KIF6: variants seen among roughly 807,000 people sequenced by gnomAD.
KIF6 encodes the protein kinesin-like protein KIF6.
In KIF6, 106 loss-of-function variants were observed where a neutral mutation model predicts 112.7. The ratio of observed to expected loss-of-function variants is 0.94; its 90% CI spans 0.80 to 1.11. The LOEUF is 1.11. KIF6 is among the 50% of genes least tolerant of loss of function. The pLI, the probability that KIF6 is intolerant of heterozygous loss-of-function variation, is 0.00. For synonymous variants in KIF6, 339 were observed against 339.9 expected (o/e 1.00, Z 0.03); for missense variants, 929 against 964.0 (o/e 0.96, Z 0.48).
At chr6:39,428,313 TG>T (rs1409060947) in intron 14 of KIF6, among the ~76,000 whole-genome samples, 1 of 152,212 alleles carries the variant, frequency 6.6e-6, no homozygotes, top group Non-Finnish European at 1.5e-5. Flanking sequence ...GAAGGTTCTT[TG>T]GAAGTCTTTT....
intron 13 of KIF6, among the ~76,000 whole-genome samples, chr6:39,535,654 C>T (rs1261048561): frequency 1.3e-5 from 2 of 152,236 alleles, no homozygotes; most frequent in African/African-American, 2.4e-5. Flanking sequence ...GACAGATCAA[C>T]AAGACAGAAA....
At position 39,641,621 on chromosome 6, in the gene KIF6, T is replaced by C. The variant is rs569675635; in HGVS notation, c.252-1864A>G. On this transcript the variant is annotated intron_variant, in intron 3 of 22. Transcript: ENST00000287152. ...AACTAACCTGCACGTTGTGCACATGTACCCTAAAACTTAAAGTATAATATA... is the reference window on the plus strand; with the variant it reads ...AACTAACCTGCACGTTGTGCACATGCACCCTAAAACTTAAAGTATAATATA... Among the ~76,000 whole-genome samples, 283 of 151,590 alleles carry C rather than the reference T, an allele frequency of 1.9e-3. 1 individual carries two copies. Among genetic ancestry groups the C allele is most frequent in the African/African-American group, 6.3e-3 (260 of 41,286 alleles).
chr6:39,534,923 A>G (rs575466066), intron 13 of KIF6, among the ~76,000 whole-genome samples: 1 of 152,352 alleles, frequency 6.6e-6, no homozygotes, highest in East Asian at 1.9e-4. Flanking sequence ...TTCTTAAAGA[A>G]AAGAATTTTC....
At chr6:39,461,853 G>C (rs891178135) in intron 13 of KIF6, among the ~76,000 whole-genome samples, 1 of 152,142 alleles carries the variant, frequency 6.6e-6, no homozygotes, top group Admixed American at 6.6e-5. Context: ...CAAAAAGTGT[G>C]TGTACCTGTT....
At chr6:39,558,096 CAT>C (rs1330354874) in intron 10 of KIF6, among the ~76,000 whole-genome samples, 1 of 151,844 alleles carries the variant, frequency 6.6e-6, no homozygotes, top group Non-Finnish European at 1.5e-5. Context: ...ATTATAAAAA[CAT>C]ATAATTTATA....
Position 39,584,915 on chromosome 6 carries a change from C to A in KIF6, c.1060G>T (p.Glu354Ter). 6 of 1,608,352 alleles carry A rather than the reference C, an allele frequency of 3.7e-6. No homozygotes were observed. Among genetic ancestry groups the A allele is most frequent in the Non-Finnish European group, 5.1e-6 (6 of 1,175,448 alleles). Residue 354 changes from glutamate (E) to a stop codon, truncating the protein, a stop_gained, in exon 9 of 23, where the codon GAA (glutamate) becomes TAA (stop). Coordinates refer to ENST00000287152, the MANE Select transcript of KIF6 (RefSeq NM_145027.6). LOFTEE classifies it high-confidence loss of function. ...TTGCTTACTAATCTGGGGTTAATTT[C>A]TTCATTAAGAACAGCTTCATTCTTT... ...LIKNEAVLNE[E>*]INPRLVIKRL...
chr6:39,660,076 C>T (rs114947607), intron 3 of KIF6, among the ~76,000 whole-genome samples: 111 of 152,174 alleles, frequency 7.3e-4, no homozygotes, highest in African/African-American at 2.5e-3. Context: ...TTGGGGAGGC[C>T]GAGGCAGTAG....
At chr6:39,371,078 T>G (rs1018480921) in intron 16 of KIF6, among the ~76,000 whole-genome samples, 4 of 152,180 alleles carry the variant, frequency 2.6e-5, no homozygotes, top group African/African-American at 7.2e-5. Flanking sequence ...TGCCAATTTT[T>G]GGGGTACAAA....
intron 13 of KIF6, among the ~76,000 whole-genome samples, chr6:39,484,153 C>T (rs557134473): frequency 1.1e-4 from 17 of 152,250 alleles, no homozygotes; most frequent in African/African-American, 3.6e-4. Context: ...TGCACATGGC[C>T]GTTTCCATCT....
chr6:39,342,537 A>ATACTTATC lies in KIF6; in HGVS notation c.2428+1171_2428+1172insGATAAGTA, dbSNP rs544481167. 6.6e-6 allele frequency among the ~76,000 whole-genome samples: 1 copy of ATACTTATC among 151,202 alleles called. No homozygotes were observed. Among genetic ancestry groups the ATACTTATC allele is most frequent in the African/African-American group, 2.5e-5 (1 of 40,804 alleles). ...GCTGTTCATTGCTGTTCAGTGCCTG[A>ATACTTATC]TACCTATCATCAGAGTATTTGGGGC... On this transcript the variant is annotated intron_variant, in intron 22 of 22. Coordinates refer to ENST00000287152, the MANE Select transcript of KIF6 (RefSeq NM_145027.6). This position sits in a 1 kb window ranked among gnomAD's most constrained non-coding sequence, Gnocchi z 4.7.
chr6:39,375,378 G>A (rs1050950296), intron 16 of KIF6, among the ~76,000 whole-genome samples: 3 of 152,146 alleles, frequency 2.0e-5, no homozygotes, highest in Non-Finnish European at 4.4e-5. Flanking sequence ...CATGGGTGAG[G>A]CAATGAATAT....
chr6:39,616,693 A>C (rs1447473202), intron 5 of KIF6, among the ~76,000 whole-genome samples: 1 of 152,096 alleles, frequency 6.6e-6, no homozygotes, highest in Non-Finnish European at 1.5e-5. Flanking sequence ...TCCTTTTTGC[A>C]CTAAGTCTTG....
intron 3 of KIF6, among the ~76,000 whole-genome samples, chr6:39,673,160 G>GT (rs879312102): frequency 6.6e-6 from 1 of 152,190 alleles, no homozygotes; most frequent in Non-Finnish European, 1.5e-5. Context: ...CCCTGCTTCT[G>GT]TAAGTGCCAG....
intron 13 of KIF6, among the ~76,000 whole-genome samples, chr6:39,435,834 G>T (rs957702220): frequency 6.6e-6 from 1 of 152,112 alleles, no homozygotes; most frequent in Admixed American, 6.6e-5. Flanking sequence ...ATGCATCCAG[G>T]TGTCTTTTTT....
intron 3 of KIF6, among the ~76,000 whole-genome samples, chr6:39,684,035 A>G (rs1034963488): frequency 2.0e-5 from 3 of 152,232 alleles, no homozygotes; most frequent in African/African-American, 7.2e-5. Context: ...TAGTATCCCC[A>G]TCATGCTCAG....
chr6:39,563,338 TA>T (rs1780110953), intron 10 of KIF6, among the ~76,000 whole-genome samples: 1 of 152,208 alleles, frequency 6.6e-6, no homozygotes, highest in South Asian at 2.1e-4. Flanking sequence ...GACTTGTTTG[TA>T]AACACATATA....
At chr6:39,366,041 G>C (rs1765532757) in intron 16 of KIF6, among the ~76,000 whole-genome samples, 2 of 152,366 alleles carry the variant, frequency 1.3e-5, no homozygotes, top group Admixed American at 1.3e-4. Context: ...TTTTCCTTGG[G>C]CATCTTGCAG....
chr6:39,471,738 G>C (rs1019085453), intron 13 of KIF6, among the ~76,000 whole-genome samples: 1 of 152,144 alleles, frequency 6.6e-6, no homozygotes, highest in Admixed American at 6.5e-5. Flanking sequence ...TTAGCTCTAG[G>C]AGAAGGGAGT....
chr6:39,655,617 TTTG>T (rs548403534), intron 3 of KIF6, among the ~76,000 whole-genome samples: 2 of 152,294 alleles, frequency 1.3e-5, no homozygotes, highest in South Asian at 4.1e-4. Flanking sequence ...AGAATCTAAC[TTTG>T]TTTTTGCTCA....
Sources: allele counts gnomAD v4.1 joint callset (sites outside exome capture counted in the v4.1 genomes callset), GRCh38; gene constraint gnomAD v4.1.1; non-coding constraint Gnocchi (gnomAD v3.1); transcripts MANE v1.5; gene names NCBI Gene and HGNC (gene_info 2026-07-23, HGNC 2026-07-21).